The following GMEB1 variants were observed in gnomAD, a reference collection of about 807,000 sequenced individuals.
GMEB1 encodes the protein glucocorticoid modulatory element binding protein 1.
GMEB1 carries 6 observed loss-of-function variants against 52.4 expected under a neutral mutation model. The observed-to-expected ratio is 0.11, with a 90% CI of 0.06 to 0.23. The LOEUF is 0.23. GMEB1 is among the 10% of genes least tolerant of loss of function. GMEB1 has a pLI of 1.00. For synonymous variants in GMEB1, 255 were observed against 244.9 expected, an observed-to-expected ratio of 1.04 and a Z score of -0.38; for missense variants, 486 against 685.6, an observed-to-expected ratio of 0.71 and a Z score of 3.25.
At chr1:28,679,623 A>G (rs1669306191) in intron 1 of GMEB1, among the ~76,000 whole-genome samples, 1 of 152,194 alleles carries the variant, frequency 6.6e-6, no homozygotes, top group African/African-American at 2.4e-5. Context: ...GTTGCTCCTC[A>G]TATCTAAGGA....
At chr1:28,691,266 C>T (rs987266610) in intron 3 of GMEB1, among the ~76,000 whole-genome samples, 1 of 152,028 alleles carries the variant, frequency 6.6e-6, no homozygotes, top group Non-Finnish European at 1.5e-5. Flanking sequence ...CCACTGCACT[C>T]CAGCCTGGGT....
intron 1 of GMEB1, among the ~76,000 whole-genome samples, chr1:28,675,433 C>T (rs191759619): frequency 7.2e-5 from 11 of 152,198 alleles, no homozygotes; most frequent in African/African-American, 2.6e-4. Flanking sequence ...AATCCCAGCA[C>T]TGTGGGAGAC....
rs71586855 is a variant in GMEB1 at position 28,697,162 on chromosome 1, C to CATATATATATAT, written c.598+105_598+116dup. The CATATATATATAT allele has an allele frequency of 3.3e-3, 488 of 148,914 alleles. 7 individuals carry two copies. Among genetic ancestry groups the CATATATATATAT allele is most frequent in the African/African-American group, 6.9e-3 (130 of 18,738 alleles). The allele number at this position is 148,914 out of a possible 1,614,324, so 9.2% of individuals were successfully genotyped here. The stretch of plus-strand genomic sequence containing the variant: ...CCCCCTTATTTCTCCCTTGTGTGTA[C>CATATATATATAT]ATATATATATATATATATATATATA... On this transcript the variant is annotated intron_variant, in intron 6 of 9. Transcript: ENST00000373816.
At chr1:28,672,129 A>T (rs1367636224) in intron 1 of GMEB1, among the ~76,000 whole-genome samples, 2 of 151,526 alleles carry the variant, frequency 1.3e-5, no homozygotes, top group African/African-American at 4.8e-5. Flanking sequence ...AAAATTAAAT[A>T]AATATTTTGG....
intron 2 of GMEB1, among the ~76,000 whole-genome samples, chr1:28,687,368 ACAC>A (rs1669702048): frequency 9.8e-5 from 7 of 71,376 alleles, no homozygotes; most frequent in South Asian, 1.3e-3. Flanking sequence ...ACACACACAC[ACAC>A]ACACACACAC....
At chr1:28,678,768 G>A (rs968492929) in intron 1 of GMEB1, among the ~76,000 whole-genome samples, 1 of 151,882 alleles carries the variant, frequency 6.6e-6, no homozygotes, top group Admixed American at 6.6e-5. Context: ...TGTACTTTTA[G>A]TAGAGACAGA....
chr1:28,705,161 G>A lies in GMEB1; in HGVS notation c.868+832G>A, dbSNP rs533874580. On this transcript the variant is annotated intron_variant, in intron 8 of 9. Coordinates refer to ENST00000373816, the MANE Select transcript of GMEB1 (RefSeq NM_001319674.2). ...CCCAGTACATTAGGAGGCCGAGACCGGCGGATTACTTGAGGTCAGGAGTTC... is the reference window on the plus strand; with the variant it reads ...CCCAGTACATTAGGAGGCCGAGACCAGCGGATTACTTGAGGTCAGGAGTTC... Among the ~76,000 whole-genome samples, 29 of 150,706 alleles carry A rather than the reference G, an allele frequency of 1.9e-4. No individual in the cohort carries two copies. In the South Asian group the frequency reaches 3.8e-3, roughly 20 times the overall value.
chr1:28,694,363 G>A (rs111796224), intron 5 of GMEB1, among the ~76,000 whole-genome samples: 11 of 122,472 alleles, frequency 9.0e-5, no homozygotes, highest in African/African-American at 2.1e-4. Flanking sequence ...GCTAATTTTT[G>A]TATTTTTTTT....
chr1:28,674,723 T>TA (rs1398637004), intron 1 of GMEB1, among the ~76,000 whole-genome samples: 6 of 131,680 alleles, frequency 4.6e-5, no homozygotes, highest in East Asian at 4.4e-4. Flanking sequence ...TTTTTTTTTT[T>TA]TTTTTTTTTT....
chr1:28,669,657 A>G (rs1668793554), intron 1 of GMEB1, among the ~76,000 whole-genome samples: 1 of 152,188 alleles, frequency 6.6e-6, no homozygotes, highest in Admixed American at 6.6e-5. Context: ...GAAGTACGAA[A>G]GAGCAGCGTC....
At chr1:28,673,689 G>C (rs955042904) in intron 1 of GMEB1, among the ~76,000 whole-genome samples, 1 of 152,166 alleles carries the variant, frequency 6.6e-6, no homozygotes, top group South Asian at 2.1e-4. Flanking sequence ...GCAGCGATGT[G>C]CTTAGTTTCA....
At chr1:28,681,714 T>G (rs1233092328) in intron 1 of GMEB1, among the ~76,000 whole-genome samples, 1 of 152,094 alleles carries the variant, frequency 6.6e-6, no homozygotes, top group East Asian at 1.9e-4. Context: ...CACTTTTTTT[T>G]TCTTTGAGAC....
At chr1:28,695,310 G>C (rs1399502106) in intron 5 of GMEB1, among the ~76,000 whole-genome samples, 1 of 151,696 alleles carries the variant, frequency 6.6e-6, no homozygotes. Context: ...TCGGCTCACT[G>C]CAAACTGTAC....
chr1:28,714,749 G>A lies in GMEB1; in HGVS notation c.1668G>A (p.Val556=). 6.2e-7 allele frequency: 1 copy of A among 1,612,294 alleles called. No homozygotes were observed. Among genetic ancestry groups the A allele is most frequent in the African/African-American group, 1.3e-5 (1 of 74,998 alleles). The change falls in exon 10 of 10, where the codon GTG becomes GTA. Residue 556 remains valine, a synonymous_variant. Coordinates refer to ENST00000373816, the MANE Select transcript of GMEB1 (RefSeq NM_001319674.2). ...MEEHQHQVHN[V]EIVVLED is the part of the protein sequence containing the mutation. Reference sequence around the variant, plus strand: ...AACACCAGCATCAAGTTCACAATGTGGAGATTGTGGTCTTAGAGGATTAAC... The same window carrying A: ...AACACCAGCATCAAGTTCACAATGTAGAGATTGTGGTCTTAGAGGATTAAC...
chr1:28,714,446 C>T lies in GMEB1; in HGVS notation c.1365C>T (p.Ile455=), dbSNP rs11557121. Residue 455 remains isoleucine, a synonymous_variant, in exon 10 of 10, where the codon ATC becomes ATT. Transcript: ENST00000373816. ...GCAGCTCACCAGACACAGTGACCAT[C>T]CACCCTTCATCTAGCTTGGCGCTGC... ...AKSSSPDTVT[I]HPSSSLALLS... is the part of the protein sequence containing the mutation. 7 of 1,614,232 alleles carry T rather than the reference C, an allele frequency of 4.3e-6. No homozygotes were observed. The highest frequency in any genetic ancestry group is 1.3e-5 in the African/African-American group (1 of 75,064).
chr1:28,688,587 T>C lies in GMEB1; in HGVS notation c.129-1517T>C, dbSNP rs115623724. On this transcript the variant is annotated intron_variant, in intron 2 of 9. Transcript: ENST00000373816. ...AACCTTCTCTAAGTGGTGCCTCTAG[T>C]CACTCCTAGTTACTTTGGATGTAGT... Among the ~76,000 whole-genome samples the C allele has an allele frequency of 3.3e-3, 502 of 152,268 alleles. 3 individuals are homozygous for C. Among genetic ancestry groups the C allele is most frequent in the African/African-American group, 0.012 (487 of 41,562 alleles).
chr1:28,709,527 A>G (rs1039811919), intron 8 of GMEB1, among the ~76,000 whole-genome samples: 3 of 152,100 alleles, frequency 2.0e-5, no homozygotes, highest in Non-Finnish European at 2.9e-5. Flanking sequence ...TACAGGGACC[A>G]TGTTTTCAAA....
intron 1 of GMEB1, among the ~76,000 whole-genome samples, chr1:28,678,397 C>T (rs578092984): frequency 3.0e-4 from 45 of 150,126 alleles, no homozygotes; most frequent in Non-Finnish European, 5.0e-4. Flanking sequence ...CTGCAAGCTC[C>T]GCCTCTGGGG....
At chr1:28,672,580 A>T (rs1165186961) in intron 1 of GMEB1, among the ~76,000 whole-genome samples, 1 of 151,594 alleles carries the variant, frequency 6.6e-6, no homozygotes, top group Non-Finnish European at 1.5e-5. Flanking sequence ...TTGTTATTAT[A>T]CTTTAAGTTC....
Sources: allele counts gnomAD v4.1 joint callset (sites outside exome capture counted in the v4.1 genomes callset), GRCh38; gene constraint gnomAD v4.1.1; transcripts MANE v1.5; gene names NCBI Gene and HGNC (gene_info 2026-07-23, HGNC 2026-07-21).